Variants in RASAL2 observed in about 807,000 individuals in gnomAD.
RASAL2 encodes RAS protein activator like 2, also known as ras GTPase-activating protein nGAP.
In RASAL2, 58 loss-of-function variants were observed where a neutral mutation model predicts 128.9. That is an observed-to-expected ratio of 0.45 (90% CI 0.36 to 0.56). The LOEUF (loss-of-function observed/expected upper bound fraction) is 0.56. RASAL2 is among the 20% of genes least tolerant of loss of function. The pLI is 0.00. For missense variants in RASAL2, 1,360 were observed against 1,601.6 expected, an observed-to-expected ratio of 0.85 and a Z score of 2.57; for synonymous variants, 561 against 580.8, an observed-to-expected ratio of 0.97 and a Z score of 0.49.
Position 178,394,174 on chromosome 1 carries a change from T to C in RASAL2, c.564+3968T>C, listed in dbSNP as rs546903157. On this transcript the variant is annotated intron_variant, in intron 4 of 17. Transcript: ENST00000367649. ...ATTTCTTGGAACCTTTTAGGTGTTA[T>C]ACATATGTATAAATTCACAATGTTT... 9.8e-5 allele frequency among the ~76,000 whole-genome samples: 15 copies of C among 152,344 alleles called. No homozygotes were observed. In the South Asian group the frequency reaches 1.7e-3, roughly 17 times the overall value.
intron 5 of RASAL2, among the ~76,000 whole-genome samples, chr1:178,438,733 G>A (rs1676415114): frequency 6.6e-6 from 1 of 151,900 alleles, no homozygotes; most frequent in Non-Finnish European, 1.5e-5. Flanking sequence ...ATGCTGGGAG[G>A]TTTCTTCAAG....
At chr1:178,125,798 G>A (rs948797404) in intron 1 of RASAL2, among the ~76,000 whole-genome samples, 17 of 152,090 alleles carry the variant, frequency 1.1e-4, no homozygotes, top group African/African-American at 9.7e-5. Context: ...GACTAATTGC[G>A]TAAGACATCT....
chr1:178,121,815 A>G (rs1413875595), intron 1 of RASAL2, among the ~76,000 whole-genome samples: 1 of 151,984 alleles, frequency 6.6e-6, no homozygotes, highest in African/African-American at 2.4e-5. Flanking sequence ...CTTTTCCCCC[A>G]ACCCTGAACC....
chr1:178,445,644 T>C lies in RASAL2; in HGVS notation c.1609T>C (p.Tyr537His), dbSNP rs369595230. Residue 537 changes from tyrosine to histidine, a missense_variant, in exon 9 of 18, where the codon TAT becomes CAT. Tyr to His is a moderately conservative substitution (Grantham distance 83, BLOSUM62 2). Around this residue, in one of 3 missense-constraint regions of RASAL2, gnomAD observed 617 missense variants for 714.2 expected, o/e 0.86. Transcript: ENST00000367649. ...ATACCTCAAGTTGGTGGGACAACAG[T>C]ATCTTCATGACGCACTGGGTATGAA... ...EEYLKLVGQQ[Y>H]LHDALGEFIK... 14 of 1,613,026 alleles carry C rather than the reference T, an allele frequency of 8.7e-6. No individual in the cohort carries two copies. The highest frequency in any genetic ancestry group is 1.1e-5 in the Non-Finnish European group (13 of 1,179,556).
At chr1:178,333,983 T>TA in intron 3 of RASAL2, among the ~76,000 whole-genome samples, 1 of 152,322 alleles carries the variant, frequency 6.6e-6, no homozygotes, top group South Asian at 2.1e-4. Flanking sequence ...AAATCAGTCT[T>TA]TGAATGTAGT....
chr1:178,296,067 A>G (rs969951971), intron 2 of RASAL2, among the ~76,000 whole-genome samples: 10 of 151,704 alleles, frequency 6.6e-5, no homozygotes, highest in Admixed American at 2.0e-4. Flanking sequence ...ATGTGTGTGT[A>G]TATGTATGTG....
chr1:178,246,778 G>C (rs1664785197), intron 1 of RASAL2, among the ~76,000 whole-genome samples: 1 of 152,026 alleles, frequency 6.6e-6, no homozygotes, highest in African/African-American at 2.4e-5. Context: ...TAGCATGAAG[G>C]GGTTTTGAAT....
chr1:178,299,942 G>C (rs760795936), intron 2 of RASAL2, 50 bp from the exon 3 acceptor site: 1 of 1,590,428 alleles, frequency 6.3e-7, no homozygotes, highest in Non-Finnish European at 8.6e-7. Flanking sequence ...TCAGAACGTA[G>C]TTATGGTGAG....
At chr1:178,471,091 AG>A (rs1417256119) in intron 17 of RASAL2, among the ~76,000 whole-genome samples, 2 of 152,142 alleles carry the variant, frequency 1.3e-5, no homozygotes, top group African/African-American at 4.8e-5. Flanking sequence ...AGTCATTCTT[AG>A]GCTTTTTGAC....
At chr1:178,431,500 T>C (rs1675897145) in intron 5 of RASAL2, among the ~76,000 whole-genome samples, 2 of 152,088 alleles carry the variant, frequency 1.3e-5, no homozygotes, top group African/African-American at 4.8e-5. Context: ...TAAATTGATG[T>C]TGTCTTTATG....
intron 1 of RASAL2, among the ~76,000 whole-genome samples, chr1:178,221,175 A>G (rs1045504450): frequency 6.6e-6 from 1 of 152,126 alleles, no homozygotes; most frequent in African/African-American, 2.4e-5. Flanking sequence ...CTAGTGAAAT[A>G]CTTTGTGGAG....
At chr1:178,267,880 G>A (rs1666047445) in intron 1 of RASAL2, among the ~76,000 whole-genome samples, 1 of 151,902 alleles carries the variant, frequency 6.6e-6, no homozygotes, top group African/African-American at 2.4e-5. Flanking sequence ...TATCATTTTA[G>A]GAGTTTCTTT....
chr1:178,459,589 C>A (rs1205444099), intron 14 of RASAL2, among the ~76,000 whole-genome samples: 1 of 152,156 alleles, frequency 6.6e-6, no homozygotes, highest in Non-Finnish European at 1.5e-5. Flanking sequence ...TAGGCACTTA[C>A]CTATATGGCT....
chr1:178,446,062 A>G (rs1676978488), intron 9 of RASAL2, among the ~76,000 whole-genome samples: 1 of 152,198 alleles, frequency 6.6e-6, no homozygotes, highest in African/African-American at 2.4e-5. Context: ...ATCAAAAGTG[A>G]AGAAACTCTT....
chr1:178,101,500 C>A (rs978863349), intron 1 of RASAL2, among the ~76,000 whole-genome samples: 1 of 152,150 alleles, frequency 6.6e-6, no homozygotes, highest in Non-Finnish European at 1.5e-5. Flanking sequence ...TTACCTCCAT[C>A]CCTGAGTCTA....
At chr1:178,256,621 A>G (rs945504485) in intron 1 of RASAL2, among the ~76,000 whole-genome samples, 1 of 152,218 alleles carries the variant, frequency 6.6e-6, no homozygotes, top group Non-Finnish European at 1.5e-5. Context: ...TATACAGTAA[A>G]TATATAACTT....
chr1:178,466,176 G>A, intron 16 of RASAL2, 54 bp downstream of exon 16: 2 of 1,481,866 alleles, frequency 1.3e-6, no homozygotes, highest in Non-Finnish European at 1.8e-6. Flanking sequence ...AAAGAATTGA[G>A]ATGATCCACA....
In RASAL2 at chr1:178,186,885, A is replaced by G. The variant is rs533371193; in HGVS notation, c.202+92191A>G. 1.5e-3 allele frequency among the ~76,000 whole-genome samples: 232 copies of G among 151,762 alleles called. 2 individuals are homozygous for G. The highest frequency in any genetic ancestry group is 2.4e-3 in the Non-Finnish European group (164 of 67,936). On this transcript the variant is annotated intron_variant, in intron 1 of 17. Transcript: ENST00000367649. ...GTTGCCCATGCTAGATGACAGTGGT[A>G]CAATCATAGCTCACTTCAGCCTCCA... is the stretch of plus-strand genomic sequence containing the variant.
At chr1:178,259,342 A>G (rs1171312670) in intron 1 of RASAL2, among the ~76,000 whole-genome samples, 1 of 151,864 alleles carries the variant, frequency 6.6e-6, no homozygotes, top group Non-Finnish European at 1.5e-5. Context: ...CGTGTTAGCC[A>G]GGATGGTCTC....
Sources: gnomAD v4.1 joint callset for allele counts (sites outside exome capture counted in the v4.1 genomes callset) on GRCh38, gnomAD v4.1.1 for gene constraint, gnomAD v4.1.1 regional missense constraint, MANE v1.5 for transcripts, NCBI Gene and HGNC (gene_info 2026-07-23, HGNC 2026-07-21) for gene names.